ZNF420: variants seen among roughly 807,000 people sequenced by gnomAD.
ZNF420 encodes the protein ATM and p53-associated KZNF protein.
Under a neutral mutation model 44.7 loss-of-function variants are expected in ZNF420, and 31 were observed. The observed-to-expected ratio is 0.69, with a 90% CI of 0.52 to 0.94. ZNF420 has a LOEUF of 0.94. Ranked by LOEUF, ZNF420 falls within the 40% of genes least tolerant of loss-of-function variation. ZNF420 has a pLI of 0.00. For synonymous variants in ZNF420, 245 were observed against 267.4 expected, an observed-to-expected ratio of 0.92 and a Z score of 0.82; for missense variants, 681 against 827.9, an observed-to-expected ratio of 0.82 and a Z score of 2.18.
At chr19:37,080,574 C>T (rs1032502547) in intron 2 of ZNF420, among the ~76,000 whole-genome samples, 186 bp downstream of exon 2, 2 of 151,970 alleles carry the variant, frequency 1.3e-5, no homozygotes, top group South Asian at 2.1e-4. Flanking sequence ...GTTAAATTTA[C>T]GAAGAATGGA....
At chr19:37,099,440 G>C (rs939263390) in intron 4 of ZNF420, among the ~76,000 whole-genome samples, 8 of 152,054 alleles carry the variant, frequency 5.3e-5, no homozygotes, top group African/African-American at 1.9e-4. Flanking sequence ...GTGATATTGA[G>C]CATTTTTTCA....
Position 37,014,230 on chromosome 19 carries a change from C to T in ZNF420, c.-125+6148C>T, listed in dbSNP as rs2074592986. On this transcript the variant is annotated intron_variant, in intron 1 of 4. Coordinates refer to the ZNF420 transcript ENST00000587029. The stretch of plus-strand genomic sequence containing the variant: ...GACAGCAGTGCTGAGCAGCAGGATT[C>T]CCTGAGCTTTGAGACCAGGACGGTG... Among the ~76,000 whole-genome samples, 4 of 152,124 alleles carry T rather than the reference C, an allele frequency of 2.6e-5. No individual in the cohort carries two copies. In the South Asian group the frequency reaches 8.3e-4, roughly 32 times the overall value.
chr19:37,130,157 A>C lies in ZNF420; in HGVS notation c.*1099A>C. ...TGGACATCTAAGCTGGAGCTCCGTT[A>C]CTCTCATGGGGACTTTGAGAATGGT... is the stretch of plus-strand genomic sequence containing the variant. On this transcript the variant is annotated 3_prime_UTR_variant, in exon 5 of 5. Transcript: ENST00000337995. The C allele has an allele frequency of 6.5e-7, 1 of 1,550,208 alleles. No homozygotes were observed. The highest frequency in any genetic ancestry group is 1.4e-5 in the African/African-American group (1 of 73,062).
At chr19:37,086,959 C>G (rs1015370300) in intron 2 of ZNF420, among the ~76,000 whole-genome samples, 2 of 152,026 alleles carry the variant, frequency 1.3e-5, no homozygotes, top group Non-Finnish European at 2.9e-5. Flanking sequence ...TTAAGCTCTG[C>G]CATAGATGGG....
At chr19:37,012,802 G>A (rs1001177050) in intron 1 of ZNF420, among the ~76,000 whole-genome samples, 3 of 143,268 alleles carry the variant, frequency 2.1e-5, no homozygotes, top group Admixed American at 1.4e-4. Flanking sequence ...GTGTGTGTGT[G>A]TGTGTGTGTG....
intron 4 of ZNF420, among the ~76,000 whole-genome samples, chr19:37,104,924 A>G (rs1005053652): frequency 6.6e-6 from 1 of 152,178 alleles, no homozygotes; most frequent in East Asian, 1.9e-4. Flanking sequence ...GTAGATTGCA[A>G]ACATTTTCTC....
chr19:37,073,465 G>A (rs962830060), upstream of ZNF420, among the ~76,000 whole-genome samples: 2 of 152,090 alleles, frequency 1.3e-5, no homozygotes, highest in Non-Finnish European at 2.9e-5. Flanking sequence ...CAGGTTGGGC[G>A]TGGTGGTTCA....
chr19:37,086,337 CTCTGGGTTAGCCTCTTAAA>C (rs1968780057), intron 2 of ZNF420, among the ~76,000 whole-genome samples: 1 of 152,088 alleles, frequency 6.6e-6, no homozygotes, highest in Non-Finnish European at 1.5e-5. Flanking sequence ...TCAGCGCTTT[CTCTGGGTTAGCCTCTTAAA>C]TTAAGTGACT....
At chr19:37,077,027 T>G (rs1362469295), upstream of ZNF420, among the ~76,000 whole-genome samples, 1 of 152,246 alleles carries the variant, frequency 6.6e-6, no homozygotes. Context: ...ATATATGGTC[T>G]TGCAAGACCA....
At chr19:37,062,312 T>C (rs1967892243) in intron 1 of ZNF420, among the ~76,000 whole-genome samples, 1 of 152,080 alleles carries the variant, frequency 6.6e-6, no homozygotes, top group Non-Finnish European at 1.5e-5. Context: ...AGAAAAGACA[T>C]TATATTTAAG....
At chr19:37,048,035 A>G (rs1219837908) in intron 1 of ZNF420, among the ~76,000 whole-genome samples, 2 of 152,186 alleles carry the variant, frequency 1.3e-5, no homozygotes, top group Non-Finnish European at 2.9e-5. Flanking sequence ...GCTGTCATAC[A>G]CACAACATTT....
At chr19:37,051,513 G>A (rs1212530635) in intron 1 of ZNF420, among the ~76,000 whole-genome samples, 3 of 152,166 alleles carry the variant, frequency 2.0e-5, no homozygotes, top group Non-Finnish European at 4.4e-5. Context: ...GCTTAGAGGT[G>A]CTTATAGTAT....
chr19:37,027,103 A>G (rs1272776299), intron 1 of ZNF420, among the ~76,000 whole-genome samples: 2 of 152,246 alleles, frequency 1.3e-5, no homozygotes, highest in East Asian at 3.8e-4. Flanking sequence ...TTACCAATCA[A>G]TCCTCTTTCA....
chr19:37,032,283 G>T (rs1409192848), intron 1 of ZNF420, among the ~76,000 whole-genome samples: 1 of 151,680 alleles, frequency 6.6e-6, no homozygotes, highest in Non-Finnish European at 1.5e-5. Flanking sequence ...AGTGAGCCGA[G>T]ATTGCGCCAC....
intron 1 of ZNF420, among the ~76,000 whole-genome samples, chr19:37,012,094 T>A (rs969575700): frequency 6.6e-6 from 1 of 152,156 alleles, no homozygotes; most frequent in Admixed American, 6.5e-5. Flanking sequence ...AGAGGAGTCC[T>A]GAGACCCTAG....
At chr19:37,043,418 A>C (rs1967492595) in intron 1 of ZNF420, among the ~76,000 whole-genome samples, 1 of 152,270 alleles carries the variant, frequency 6.6e-6, no homozygotes, top group Non-Finnish European at 1.5e-5. Flanking sequence ...AAGTATCCTC[A>C]ACACATTTAT....
At chr19:37,025,688 T>C (rs193098306) in intron 1 of ZNF420, among the ~76,000 whole-genome samples, 31 of 151,904 alleles carry the variant, frequency 2.0e-4, no homozygotes, top group African/African-American at 7.5e-4. Flanking sequence ...TCAGTATCAC[T>C]TTCTTAGAGG....
At chr19:37,012,878 C>T (rs1364400871) in intron 1 of ZNF420, among the ~76,000 whole-genome samples, 2 of 147,934 alleles carry the variant, frequency 1.4e-5, no homozygotes, top group Non-Finnish European at 3.0e-5. Flanking sequence ...TGTCTGTGCG[C>T]CCGTTTGCGT....
intron 4 of ZNF420, among the ~76,000 whole-genome samples, chr19:37,116,343 T>C (rs1599710319): frequency 8.0e-6 from 1 of 124,728 alleles, no homozygotes; most frequent in Admixed American, 1.1e-4. Context: ...CACTTCAGCC[T>C]GGGCAACAGA....
Sources: allele counts gnomAD v4.1 joint callset (sites outside exome capture counted in the v4.1 genomes callset), GRCh38; gene constraint gnomAD v4.1.1; transcripts MANE v1.5; gene names NCBI Gene and HGNC (gene_info 2026-07-23, HGNC 2026-07-21).